THOC3: variants seen among roughly 807,000 people sequenced by gnomAD.
The protein encoded by THOC3 is THO complex subunit 3.
THOC3 carries 4 observed loss-of-function variants against 23.3 expected under a neutral mutation model. The observed-to-expected ratio is 0.17, with a 90% CI of 0.08 to 0.39. The LOEUF (loss-of-function observed/expected upper bound fraction) is 0.39. Ranked by LOEUF, THOC3 falls within the 10% of genes least tolerant of loss-of-function variation. The probability of loss-of-function intolerance (pLI) is 1.00; values close to 1 mark genes in which losing one functional copy is unlikely to be tolerated. For missense variants in THOC3, 64 were observed against 359.4 expected (o/e 0.18, Z 6.65); for synonymous variants, 27 against 141.5 (o/e 0.19, Z 5.74).
At chr5:175,964,010 C>T (rs1389648112) in intron 3 of THOC3, among the ~76,000 whole-genome samples, 3 of 152,308 alleles carry the variant, frequency 2.0e-5, no homozygotes, top group Admixed American at 2.0e-4. Flanking sequence ...CAGAACCTAT[C>T]TCACTTGGTC....
Position 175,965,537 on chromosome 5 carries a change from G to A in THOC3, c.425-382C>T, listed in dbSNP as rs192356307. ...CCTCCTGGGTTCACGCCATTCTCTCGCCTCAGCCTCCCGAGTAGCTGGGAC... is the reference window on the plus strand; with the variant it reads ...CCTCCTGGGTTCACGCCATTCTCTCACCTCAGCCTCCCGAGTAGCTGGGAC... On this transcript the variant is annotated intron_variant, in intron 2 of 5. Coordinates refer to ENST00000265097, the MANE Select transcript of THOC3 (RefSeq NM_032361.4). Among the ~76,000 whole-genome samples, 891 of 152,252 alleles carry A rather than the reference G, an allele frequency of 5.9e-3. 5 individuals carry two copies. Among genetic ancestry groups the A allele is most frequent in the African/African-American group, 0.02 (832 of 41,482 alleles).
At chr5:175,962,186 ATTG>A (rs1756671787) in intron 3 of THOC3, among the ~76,000 whole-genome samples, 1 of 150,596 alleles carries the variant, frequency 6.6e-6, no homozygotes, top group Non-Finnish European at 1.5e-5. Context: ...CAGCAGTAAT[ATTG>A]TTGTTCTGAG....
At chr5:175,965,654 T>C (rs1756751370) in intron 2 of THOC3, among the ~76,000 whole-genome samples, 1 of 152,218 alleles carries the variant, frequency 6.6e-6, no homozygotes, top group Non-Finnish European at 1.5e-5. Flanking sequence ...CTCGATCTCC[T>C]GACCTCGTGA....
chr5:175,965,844 A>G (rs1331879134), intron 2 of THOC3, among the ~76,000 whole-genome samples: 2 of 152,354 alleles, frequency 1.3e-5, no homozygotes, highest in South Asian at 2.1e-4. Context: ...ATTAAACACT[A>G]TACTTTTCTT....
At chr5:175,965,233 G>A in intron 2 of THOC3, 78 bp from the exon 3 acceptor site, 1 of 1,589,918 alleles carries the variant, frequency 6.3e-7, no homozygotes, top group East Asian at 2.2e-5. Context: ...ATCCTAGAAA[G>A]AAGACCAGAG....
chr5:175,960,346 A>T, intron 5 of THOC3: 1 of 218,516 alleles, frequency 4.6e-6, no homozygotes, highest in Non-Finnish European at 9.2e-6. Context: ...TTAACTCAAG[A>T]GCAGGTCACT....
At chr5:175,965,606 T>C (rs1756750199) in intron 2 of THOC3, among the ~76,000 whole-genome samples, 2 of 152,246 alleles carry the variant, frequency 1.3e-5, no homozygotes, top group African/African-American at 2.4e-5. Flanking sequence ...TTTGTATTTT[T>C]AGTAGAGACG....
chr5:175,965,622 T>TCAC (rs1411879858), intron 2 of THOC3, among the ~76,000 whole-genome samples: 6 of 152,240 alleles, frequency 3.9e-5, no homozygotes, highest in Non-Finnish European at 8.8e-5. Context: ...AGACGGGGTT[T>TCAC]CACCGTGTTA....
intron 3 of THOC3, among the ~76,000 whole-genome samples, 168 bp from the exon 4 acceptor site, chr5:175,961,602 C>T (rs1454362038): frequency 1.3e-5 from 2 of 150,100 alleles, no homozygotes; most frequent in African/African-American, 4.9e-5. Context: ...ATTTAAAAAG[C>T]ACAACACATA....
At chr5:175,965,626 C>T (rs1370357746) in intron 2 of THOC3, among the ~76,000 whole-genome samples, 5 of 152,208 alleles carry the variant, frequency 3.3e-5, no homozygotes, top group East Asian at 1.9e-4. Flanking sequence ...GGGGTTTCAC[C>T]GTGTTAGCCA....
Position 175,964,999 on chromosome 5 carries a change from T to C in THOC3, c.581A>G (p.Asn194Ser). Residue 194 changes from asparagine to serine, a missense_variant, in exon 3 of 6, where the codon AAT becomes AGT. Transcript: ENST00000265097. ...GCCATTTGTCAGGAAGAACATATTA[T>C]TGTCATTGTTCCAGGAGATTTCGTT... ...EVNEISWNNDNNMFFLTNGNG... is the reference protein window; with the variant it reads ...EVNEISWNNDSNMFFLTNGNG... 7.0e-7 allele frequency: 1 copy of C among 1,433,798 alleles called. No homozygotes were observed. Among genetic ancestry groups the C allele is most frequent in the Non-Finnish European group, 9.7e-7 (1 of 1,032,090 alleles). The allele number at this position is 1,433,798 out of a possible 1,614,324, so 88.8% of individuals were successfully genotyped here.
chr5:175,959,584 T>A lies in THOC3; in HGVS notation c.*385A>T, dbSNP rs1756627250. The A allele has an allele frequency of 6.9e-6, 1 of 144,768 alleles. No homozygotes were observed. Among genetic ancestry groups the A allele is most frequent in the African/African-American group, 2.6e-5 (1 of 38,122 alleles). 9.0% of individuals were successfully genotyped at this position (144,768 alleles called of 1,614,324 possible). On this transcript the variant is annotated 3_prime_UTR_variant, in exon 6 of 6. Transcript: ENST00000265097. ...AATGCTCAATTCTCAAAATTATATA[T>A]ATATATTTTTAATTATTTAAAAAAA...
Position 175,959,878 on chromosome 5 carries a change from TTTAGG to T in THOC3, c.*86_*90del. 2.1e-6 allele frequency: 1 copy of T among 465,474 alleles called. No individual in the cohort carries two copies. Among genetic ancestry groups the T allele is most frequent in the African/African-American group, 3.1e-5 (1 of 31,806 alleles). 28.8% of individuals were successfully genotyped at this position (465,474 alleles called of 1,614,324 possible). On this transcript the variant is annotated 3_prime_UTR_variant, in exon 6 of 6. Transcript: ENST00000265097. ...TACAATTTATACCAACTTACAAATA[TTTAGG>T]GTGCCCACCAACTCCGAGAGAACAG...
intron 2 of THOC3, among the ~76,000 whole-genome samples, chr5:175,965,793 C>A (rs1756755883): frequency 6.6e-6 from 1 of 152,220 alleles, no homozygotes; most frequent in South Asian, 2.1e-4. Flanking sequence ...TTTCTCAACT[C>A]CAGCCATTCG....
At chr5:175,963,434 T>C (rs1357690895) in intron 3 of THOC3, among the ~76,000 whole-genome samples, 2 of 151,960 alleles carry the variant, frequency 1.3e-5, no homozygotes, top group East Asian at 3.9e-4. Context: ...AGATAAACTA[T>C]GAAGAAACAC....
chr5:175,966,309 C>G (rs1385995592), intron 2 of THOC3, among the ~76,000 whole-genome samples: 8 of 149,782 alleles, frequency 5.3e-5, no homozygotes, highest in Non-Finnish European at 1.2e-4. Flanking sequence ...TGTTCACCCA[C>G]GCATCACCTG....
chr5:175,963,377 T>A (rs1459073054), intron 3 of THOC3, among the ~76,000 whole-genome samples: 2 of 152,424 alleles, frequency 1.3e-5, no homozygotes, highest in East Asian at 3.8e-4. Context: ...CAATTTTTTT[T>A]TTTTTTAATG....
At chr5:175,965,405 G>C (rs1756746192) in intron 2 of THOC3, 1 of 554,846 alleles carries the variant, frequency 1.8e-6, no homozygotes, top group Non-Finnish European at 3.2e-6. Context: ...AAATCTATAA[G>C]ATTTTATAGA....
rs930851244 is a variant in THOC3 at position 175,967,997 on chromosome 5, G to C, written c.212C>G (p.Ala71Gly). The change falls in exon 1 of 6, where the codon GCC (alanine) becomes GGC (glycine). Residue 71 changes from alanine to glycine, a missense_variant. Ala to Gly is a moderately conservative substitution (Grantham distance 60). Coordinates refer to ENST00000265097, the MANE Select transcript of THOC3 (RefSeq NM_032361.4). ...GGCCGTCTTGTCGAAGGACCCCGAG[G>C]CTAGGCGACGCCCGTCGCAACTCCA... ...VAWSCDGRRL[A>G]SGSFDKTASV... 1.2e-6 allele frequency: 2 copies of C among 1,607,236 alleles called. No homozygotes were observed. Among genetic ancestry groups the C allele is most frequent in the African/African-American group, 1.3e-5 (1 of 74,824 alleles).
Sources: allele counts gnomAD v4.1 joint callset (sites outside exome capture counted in the v4.1 genomes callset), GRCh38; gene constraint gnomAD v4.1.1; transcripts MANE v1.5; gene names NCBI Gene and HGNC (gene_info 2026-07-23, HGNC 2026-07-21).